Variants in AKAP13 observed in about 807,000 individuals in gnomAD.
The protein encoded by AKAP13 is A-kinase anchor protein 13.
In AKAP13, 80 loss-of-function variants were observed where a neutral mutation model predicts 264.5. The observed-to-expected ratio is 0.30, with a 90% confidence interval of 0.25 to 0.36. The LOEUF is 0.36. AKAP13 is among the 10% of genes least tolerant of loss of function. AKAP13 has a pLI of 1.00. For synonymous variants in AKAP13, 1,380 were observed against 1,250.2 expected, an observed-to-expected ratio of 1.10 and a Z score of -2.19; for missense variants, 3,712 against 3,435.2, an observed-to-expected ratio of 1.08 and a Z score of -2.01.
chr15:85,579,265 C>T lies in AKAP13; in HGVS notation c.1197C>T (p.Ser399=). 2 of 1,614,242 alleles carry T rather than the reference C, an allele frequency of 1.2e-6. No individual in the cohort carries two copies. The highest frequency in any genetic ancestry group is 1.7e-6 in the Non-Finnish European group (2 of 1,180,046). ...VDSGTVSDQD[S]CLQSLPDCGV... ...CTGGAACTGTATCTGATCAAGACAG[C>T]TGCCTTCAGAGCTTGCCTGATTGTG... Residue 399 remains serine (S), a synonymous_variant, in exon 7 of 37, where the codon AGC becomes AGT. Coordinates refer to ENST00000394518, the MANE Select transcript of AKAP13 (RefSeq NM_007200.5).
chr15:85,646,629 T>C (rs2082572428), intron 10 of AKAP13, among the ~76,000 whole-genome samples: 1 of 152,222 alleles, frequency 6.6e-6, no homozygotes. Flanking sequence ...GTCATATTTA[T>C]AAACCAGCTG....
intron 2 of AKAP13, among the ~76,000 whole-genome samples, chr15:85,495,467 A>C (rs749124351): frequency 6.6e-6 from 1 of 152,142 alleles, no homozygotes; most frequent in Non-Finnish European, 1.5e-5. Context: ...CATATCTCAG[A>C]TTCTTCAGTT....
At chr15:85,720,843 C>G (rs2087240581) in intron 23 of AKAP13, among the ~76,000 whole-genome samples, 1 of 152,180 alleles carries the variant, frequency 6.6e-6, no homozygotes, top group Non-Finnish European at 1.5e-5. Flanking sequence ...CCAGGTAGAA[C>G]TACAAAGGGG....
At chr15:85,733,948 G>GCTCAGC (rs76982015) in intron 30 of AKAP13, among the ~76,000 whole-genome samples, 27,821 of 142,082 alleles carry the variant, frequency 0.2, 3,561 homozygotes, top group Middle Eastern at 0.44. Context: ...TGCGATCTTG[G>GCTCAGC]CTCAGCCTCA....
intron 1 of AKAP13, among the ~76,000 whole-genome samples, chr15:85,467,154 A>C (rs2074773676): frequency 6.6e-6 from 1 of 151,914 alleles, no homozygotes; most frequent in African/African-American, 2.4e-5. Flanking sequence ...CTTGGCACCC[A>C]TTTTATACTG....
chr15:85,630,694 A>G lies in AKAP13; in HGVS notation c.4162-8680A>G, dbSNP rs1471917991. ...AATCTTCCTTTTCTAGAAAGTAACA[A>G]TAGATTTTAAAATAGATTTTTCCAT... On this transcript the variant is annotated intron_variant, in intron 8 of 36. Transcript: ENST00000394518. Among the ~76,000 whole-genome samples, 3 of 152,208 alleles carry G rather than the reference A, an allele frequency of 2.0e-5. No homozygotes were observed. In the East Asian group the frequency reaches 5.8e-4, roughly 29 times the overall value.
intron 8 of AKAP13, among the ~76,000 whole-genome samples, chr15:85,637,731 G>A (rs759219066): frequency 2.6e-5 from 4 of 151,966 alleles, no homozygotes; most frequent in African/African-American, 7.2e-5. Flanking sequence ...GAAACCTTAT[G>A]TTCTAATATA....
In AKAP13 at chr15:85,407,237, T is replaced by C. The variant is rs536830680; in HGVS notation, c.-12+26439T>C. ...GGGACGGGTGTGCTGGGTCTTTTTT[T>C]TTTTTTTTGGGACGGAGTCTTGCTC... is the stretch of plus-strand genomic sequence containing the variant. On this transcript the variant is annotated intron_variant, in intron 1 of 36. Coordinates refer to ENST00000394518, the MANE Select transcript of AKAP13 (RefSeq NM_007200.5). Among the ~76,000 whole-genome samples the C allele has an allele frequency of 9.3e-5, 14 of 150,366 alleles. No homozygotes were observed. The East Asian group carries it at 2.7e-3, about 29-fold the overall frequency.
rs144429948 is a variant in AKAP13 at position 85,521,202 on chromosome 15, T to A, written c.34-226T>A. 1.8e-3 allele frequency among the ~76,000 whole-genome samples: 273 copies of A among 152,364 alleles called. 3 individuals are homozygous for A. The highest frequency in any genetic ancestry group is 6.3e-3 in the African/African-American group (263 of 41,586). On this transcript the variant is annotated intron_variant, in intron 2 of 36. Coordinates refer to ENST00000394518, the MANE Select transcript of AKAP13 (RefSeq NM_007200.5). ...AATGACCTCCACTAAAATGTAAGTT[T>A]AAAGAAGAGAGAGCGATCTTATTTT... is the stretch of plus-strand genomic sequence containing the variant.
At chr15:85,399,502 C>CAAAAAAAAAAAAAAAAAAAA (rs71138392) in intron 1 of AKAP13, among the ~76,000 whole-genome samples, 10 of 77,082 alleles carry the variant, frequency 1.3e-4, no homozygotes, top group East Asian at 3.7e-4. Context: ...GACTCCGTCT[C>CAAAAAAAAAAAAAAAAAAAA]AAAAAAAAAA....
intron 10 of AKAP13, among the ~76,000 whole-genome samples, chr15:85,647,269 G>A (rs566408226): frequency 3.9e-5 from 6 of 152,260 alleles, no homozygotes; most frequent in East Asian, 1.9e-4. Flanking sequence ...ATGGTGGCGC[G>A]TGCCTGTAAC....
At chr15:85,619,810 G>C in intron 8 of AKAP13, 1 of 1,216,266 alleles carries the variant, frequency 8.2e-7, no homozygotes, top group African/African-American at 1.5e-5. Flanking sequence ...TATAGCATTA[G>C]GTGGTATTTA....
At chr15:85,459,650 C>T (rs1224132150) in intron 1 of AKAP13, among the ~76,000 whole-genome samples, 1 of 152,056 alleles carries the variant, frequency 6.6e-6, no homozygotes, top group Admixed American at 6.6e-5. Flanking sequence ...CAGGTGACCG[C>T]CACAACGCCC....
Position 85,741,031 on chromosome 15 carries a change from C to G in AKAP13, c.7609-15C>G, listed in dbSNP as rs1266876949. 2 of 1,592,616 alleles carry G rather than the reference C, an allele frequency of 1.3e-6. No individual in the cohort carries two copies. Among genetic ancestry groups the G allele is most frequent in the East Asian group, 2.2e-5 (1 of 44,678 alleles). ...CTGGCCAGAGTTGCAGGGCTCCCCTCTGTGTGCCTCCCAGGGTGTGGTGCT... is the reference window on the plus strand; with the variant it reads ...CTGGCCAGAGTTGCAGGGCTCCCCTGTGTGTGCCTCCCAGGGTGTGGTGCT... On this transcript the variant is annotated splice_polypyrimidine_tract_variant and intron_variant, in intron 34 of 36. Transcript: ENST00000394518.
intron 1 of AKAP13, among the ~76,000 whole-genome samples, chr15:85,447,740 A>G (rs1322595989): frequency 6.6e-6 from 1 of 152,182 alleles, no homozygotes; most frequent in Non-Finnish European, 1.5e-5. Flanking sequence ...CAAGATGTAT[A>G]TGTACCACAT....
In AKAP13 at chr15:85,401,143, C is replaced by T. The variant is rs867678204; in HGVS notation, c.-12+20345C>T. Among the ~76,000 whole-genome samples the T allele has an allele frequency of 7.2e-4, 110 of 151,812 alleles. 1 individual carries two copies. The highest frequency in any genetic ancestry group is 1.2e-3 in the Non-Finnish European group (84 of 67,960). Reference sequence around the variant, plus strand: ...TCTCAAAGTGCTGGGATTATAGACACGAGCCACTGTGCCCGGCATATTATA... The same window carrying T: ...TCTCAAAGTGCTGGGATTATAGACATGAGCCACTGTGCCCGGCATATTATA... On this transcript the variant is annotated intron_variant, in intron 1 of 36. Transcript: ENST00000394518.
intron 1 of AKAP13, among the ~76,000 whole-genome samples, chr15:85,428,918 A>C (rs1307400284): frequency 6.6e-6 from 1 of 152,238 alleles, no homozygotes; most frequent in Non-Finnish European, 1.5e-5. Context: ...TTGAACACTT[A>C]AGATGTGCCA....
chr15:85,488,605 C>T (rs910983617), intron 2 of AKAP13, among the ~76,000 whole-genome samples: 2 of 152,104 alleles, frequency 1.3e-5, no homozygotes, highest in Non-Finnish European at 2.9e-5. Context: ...CTGAGCTTCC[C>T]GTTGTAATTA....
intron 18 of AKAP13, among the ~76,000 whole-genome samples, chr15:85,710,234 A>G (rs1229101747): frequency 6.6e-6 from 1 of 152,212 alleles, no homozygotes; most frequent in Non-Finnish European, 1.5e-5. Flanking sequence ...GACAGTTACT[A>G]TAAATGAGAA....
Sources: allele counts gnomAD v4.1 joint callset (sites outside exome capture counted in the v4.1 genomes callset), GRCh38; gene constraint gnomAD v4.1.1; transcripts MANE v1.5; gene names NCBI Gene and HGNC (gene_info 2026-07-23, HGNC 2026-07-21).